ACYP2: variants seen among roughly 807,000 people sequenced by gnomAD.
The protein encoded by ACYP2 is acylphosphatase-2.
Under a neutral mutation model 11.2 loss-of-function variants are expected in ACYP2, and 12 were observed. The ratio of observed to expected loss-of-function variants is 1.08; its 90% CI spans 0.69 to 1.74. The LOEUF (loss-of-function observed/expected upper bound fraction) is 1.74. Among genes scored for constraint, ACYP2 ranks in the 40% most tolerant of loss-of-function variants. The pLI is 0.00. For synonymous variants in ACYP2, 43 were observed against 32.2 expected (o/e 1.33, Z -1.13); for missense variants, 134 against 101.9 (o/e 1.31, Z -1.35).
intron 6 of ACYP2, among the ~76,000 whole-genome samples, chr2:54,233,210 A>G (rs1027649573): frequency 6.6e-6 from 1 of 152,158 alleles, no homozygotes; most frequent in African/African-American, 2.4e-5. Flanking sequence ...GCACATATTT[A>G]AAGTATATAG....
chr2:54,229,098 T>C (rs188391143), intron 6 of ACYP2, among the ~76,000 whole-genome samples: 1 of 152,204 alleles, frequency 6.6e-6, no homozygotes, highest in Non-Finnish European at 1.5e-5. Context: ...CCGAGCCAGG[T>C]AGGCCATTAC....
rs180853698 is a variant in ACYP2 at position 54,068,610 on chromosome 2, G to A, written c.277+11250G>A. On this transcript the variant is annotated intron_variant, in intron 4 of 6. Coordinates refer to ENST00000607452, the MANE Select transcript of ACYP2 (RefSeq NM_001320586.2). The stretch of plus-strand genomic sequence containing the variant: ...TTCAGTTCTTCCCTCCAGCCTGTTC[G>A]AATTTCTGTTGTTGGATATTATGAG... Among the ~76,000 whole-genome samples, 43 of 152,276 alleles carry A rather than the reference G, an allele frequency of 2.8e-4. No individual in the cohort carries two copies. In the East Asian group the frequency reaches 4.6e-3, roughly 16 times the overall value.
At chr2:54,089,926 G>A (rs1203920709) in intron 4 of ACYP2, among the ~76,000 whole-genome samples, 6 of 150,072 alleles carry the variant, frequency 4.0e-5, no homozygotes, top group African/African-American at 1.2e-4. Flanking sequence ...CAGGCAGATC[G>A]CTTGAGGTCA....
intron 6 of ACYP2, among the ~76,000 whole-genome samples, chr2:54,169,017 C>G (rs1157609702): frequency 1.3e-5 from 2 of 152,166 alleles, no homozygotes; most frequent in African/African-American, 4.8e-5. Context: ...CTTGGTTTTC[C>G]TGTCCAAAGA....
chr2:54,024,156 C>T (rs533377789), intron 2 of ACYP2, among the ~76,000 whole-genome samples: 2 of 152,104 alleles, frequency 1.3e-5, no homozygotes, highest in East Asian at 1.9e-4. Flanking sequence ...GGTGGATTAC[C>T]TGAGGTCAGG....
At chr2:54,256,988 G>A (rs938557703) in intron 6 of ACYP2, among the ~76,000 whole-genome samples, 9 of 152,226 alleles carry the variant, frequency 5.9e-5, no homozygotes, top group Admixed American at 3.9e-4. Flanking sequence ...CATCTTAATG[G>A]TACCTTTTGA....
chr2:54,014,628 A>G (rs1673578593), intron 2 of ACYP2, among the ~76,000 whole-genome samples: 2 of 152,000 alleles, frequency 1.3e-5, no homozygotes, highest in Admixed American at 6.6e-5. Flanking sequence ...GCCGTCCCCT[A>G]TGCCTTTTTT....
At chr2:54,190,021 T>G (rs1427787460) in intron 6 of ACYP2, among the ~76,000 whole-genome samples, 3 of 152,222 alleles carry the variant, frequency 2.0e-5, no homozygotes, top group Non-Finnish European at 4.4e-5. Flanking sequence ...GAAATGTCCA[T>G]TTAGGTCCCT....
chr2:54,273,585 C>G (rs2104089959), intron 6 of ACYP2, among the ~76,000 whole-genome samples: 1 of 152,282 alleles, frequency 6.6e-6, no homozygotes, highest in East Asian at 1.9e-4. Flanking sequence ...CTGCCTCAGC[C>G]TCCCGATTAG....
intron 4 of ACYP2, among the ~76,000 whole-genome samples, chr2:54,097,120 C>T (rs1467283304): frequency 6.6e-6 from 1 of 152,224 alleles, no homozygotes; most frequent in African/African-American, 2.4e-5. Context: ...TTCACCTCCT[C>T]CGAGTCTCTG....
chr2:54,189,147 C>A (rs1684133153), intron 6 of ACYP2, among the ~76,000 whole-genome samples: 1 of 152,182 alleles, frequency 6.6e-6, no homozygotes. Flanking sequence ...ACATACCCAT[C>A]ATCTCACAGT....
intron 2 of ACYP2, among the ~76,000 whole-genome samples, chr2:54,010,818 G>A (rs534645509): frequency 2.1e-4 from 28 of 133,912 alleles, no homozygotes; most frequent in African/African-American, 7.4e-4. Flanking sequence ...ACTGTCATGC[G>A]CCACTACACC....
At chr2:54,283,526 G>A (rs1271100607) in intron 6 of ACYP2, among the ~76,000 whole-genome samples, 1 of 152,152 alleles carries the variant, frequency 6.6e-6, no homozygotes, top group Admixed American at 6.5e-5. Flanking sequence ...CTCAGATTAA[G>A]ACCCTGAGAC....
intron 6 of ACYP2, among the ~76,000 whole-genome samples, chr2:54,173,084 A>G (rs940087859): frequency 3.3e-5 from 5 of 152,222 alleles, no homozygotes; most frequent in African/African-American, 1.2e-4. Context: ...GTTATGTCAA[A>G]TGGTATTTCT....
At chr2:54,217,718 T>A (rs1172274853) in intron 6 of ACYP2, among the ~76,000 whole-genome samples, 1 of 152,014 alleles carries the variant, frequency 6.6e-6, no homozygotes, top group African/African-American at 2.4e-5. Flanking sequence ...ATCTTTAACA[T>A]GATAAAGTCA....
chr2:54,111,367 G>T (rs34433964), intron 4 of ACYP2, among the ~76,000 whole-genome samples: 9 of 152,000 alleles, frequency 5.9e-5, no homozygotes, highest in African/African-American at 2.2e-4. Context: ...GCAAGGGCGG[G>T]GGGGACCAAC....
chr2:54,125,208 A>T (rs1558548081), intron 4 of ACYP2, among the ~76,000 whole-genome samples: 1 of 151,798 alleles, frequency 6.6e-6, no homozygotes, highest in Admixed American at 6.6e-5. Flanking sequence ...AATCCTGTAT[A>T]TTCTATAAAA....
chr2:54,012,003 A>G (rs1157902502), intron 2 of ACYP2, among the ~76,000 whole-genome samples: 1 of 152,244 alleles, frequency 6.6e-6, no homozygotes, highest in East Asian at 1.9e-4. Context: ...TGAGAGGCCG[A>G]GGTTGGTGAA....
At chr2:54,234,963 A>C (rs1014732560) in intron 6 of ACYP2, among the ~76,000 whole-genome samples, 5 of 152,226 alleles carry the variant, frequency 3.3e-5, no homozygotes, top group African/African-American at 1.2e-4. Context: ...GCCTCAAACT[A>C]GATCCTGTTC....
Sources: gnomAD v4.1 joint callset for allele counts (sites outside exome capture counted in the v4.1 genomes callset) on GRCh38, gnomAD v4.1.1 for gene constraint, MANE v1.5 for transcripts, NCBI Gene and HGNC (gene_info 2026-07-23, HGNC 2026-07-21) for gene names.